SLC24A2: variants seen among roughly 807,000 people sequenced by gnomAD.
SLC24A2 encodes solute carrier family 24 member 2, also known as sodium/potassium/calcium exchanger 2.
SLC24A2 carries 36 observed loss-of-function variants against 62.0 expected under a neutral mutation model. The ratio of observed to expected loss-of-function variants is 0.58; its 90% CI spans 0.44 to 0.77. The LOEUF is 0.77. SLC24A2 is among the 30% of genes least tolerant of loss of function. The pLI, the probability that SLC24A2 is intolerant of heterozygous loss-of-function variation, is 0.00. For synonymous variants in SLC24A2, 358 were observed against 294.0 expected (o/e 1.22, Z -2.23); for missense variants, 846 against 817.9 (o/e 1.03, Z -0.42).
intron 2 of SLC24A2, among the ~76,000 whole-genome samples, chr9:19,658,281 G>GA (rs397728113): frequency 0.023 from 1 of 44 alleles, no homozygotes; most frequent in African/African-American, 0.12. Flanking sequence ...AGGTTGATAA[G>GA]TGGTGGTGGG....
chr9:19,896,582 T>C, the SLC24A2 span, among the ~76,000 whole-genome samples: 2 of 152,218 alleles, frequency 1.3e-5, no homozygotes, highest in African/African-American at 4.8e-5. Context: ...ATCATCACCA[T>C]CTAACAGATA....
At chr9:20,060,884 T>C in the SLC24A2 span, among the ~76,000 whole-genome samples, 1 of 152,154 alleles carries the variant, frequency 6.6e-6, no homozygotes, top group Admixed American at 6.5e-5. Flanking sequence ...TGTATTTCTA[T>C]AAACTTATAG....
the SLC24A2 span, among the ~76,000 whole-genome samples, chr9:19,888,982 G>C: frequency 6.6e-6 from 1 of 152,166 alleles, no homozygotes; most frequent in Non-Finnish European, 1.5e-5. Context: ...GAATCTGGTG[G>C]AGCCACACAC....
At chr9:19,668,034 T>C (rs1819307110) in intron 2 of SLC24A2, among the ~76,000 whole-genome samples, 1 of 152,126 alleles carries the variant, frequency 6.6e-6, no homozygotes, top group Non-Finnish European at 1.5e-5. Flanking sequence ...CCCACATCTA[T>C]CTCCTTGGCC....
the SLC24A2 span, among the ~76,000 whole-genome samples, chr9:20,011,089 T>TTTAA: frequency 6.6e-6 from 1 of 152,182 alleles, no homozygotes; most frequent in Admixed American, 6.5e-5. Context: ...TGTGTCTTTA[T>TTTAA]AGCAGCATGA....
chr9:20,000,638 T>C, the SLC24A2 span, among the ~76,000 whole-genome samples: 1 of 152,186 alleles, frequency 6.6e-6, no homozygotes, highest in Non-Finnish European at 1.5e-5. Flanking sequence ...TCTCCCGCAG[T>C]CTCCATATCT....
chr9:20,280,013 T>C, the SLC24A2 span, among the ~76,000 whole-genome samples: 1 of 152,176 alleles, frequency 6.6e-6, no homozygotes, highest in Non-Finnish European at 1.5e-5. Context: ...GCCAAACAAA[T>C]GAAGGATTCT....
At chr9:19,781,828 A>G (rs1443079053) in intron 2 of SLC24A2, among the ~76,000 whole-genome samples, 1 of 152,234 alleles carries the variant, frequency 6.6e-6, no homozygotes, top group African/African-American at 2.4e-5. Context: ...TGTCTTAAGC[A>G]AAGTTGAGGC....
chr9:20,077,421 A>G, the SLC24A2 span, among the ~76,000 whole-genome samples: 120 of 152,278 alleles, frequency 7.9e-4, no homozygotes, highest in African/African-American at 2.7e-3. Flanking sequence ...ACATAATACA[A>G]TTTATTTCTT....
At chr9:19,974,209 A>G in the SLC24A2 span, among the ~76,000 whole-genome samples, 1 of 152,182 alleles carries the variant, frequency 6.6e-6, no homozygotes, top group Non-Finnish European at 1.5e-5. Flanking sequence ...AATTACTACT[A>G]TTGTAGATTC....
intron 2 of SLC24A2, among the ~76,000 whole-genome samples, chr9:19,762,983 T>C (rs1479309199): frequency 6.6e-6 from 1 of 152,278 alleles, no homozygotes; most frequent in Non-Finnish European, 1.5e-5. Flanking sequence ...GTTTGAGTCC[T>C]CTCTTATTTC....
the SLC24A2 span, among the ~76,000 whole-genome samples, chr9:20,212,013 A>G: frequency 6.6e-6 from 1 of 151,924 alleles, no homozygotes; most frequent in Non-Finnish European, 1.5e-5. Context: ...AAAGAAAATA[A>G]TTAATATATC....
At chr9:19,598,405 T>C (rs1223723026) in intron 4 of SLC24A2, among the ~76,000 whole-genome samples, 2 of 152,184 alleles carry the variant, frequency 1.3e-5, no homozygotes, top group Non-Finnish European at 2.9e-5. Flanking sequence ...ATAATAAATA[T>C]TCGTGTATTT....
the SLC24A2 span, among the ~76,000 whole-genome samples, chr9:20,081,191 C>A: frequency 6.6e-6 from 1 of 151,974 alleles, no homozygotes; most frequent in South Asian, 2.1e-4. Context: ...ATGTTTATTG[C>A]GGCACTATTC....
At chr9:20,199,414 G>A in the SLC24A2 span, among the ~76,000 whole-genome samples, 4,133 of 152,210 alleles carry the variant, frequency 0.027, 70 homozygotes, top group Middle Eastern at 0.065. Context: ...AGCAGAGAGC[G>A]GCTTAATAAT....
chr9:19,981,570 T>G, the SLC24A2 span, among the ~76,000 whole-genome samples: 1 of 152,314 alleles, frequency 6.6e-6, no homozygotes, highest in African/African-American at 2.4e-5. Flanking sequence ...CAGTGAACTA[T>G]TTATACAATA....
chr9:20,114,312 T>C, the SLC24A2 span, among the ~76,000 whole-genome samples: 60 of 152,082 alleles, frequency 3.9e-4, no homozygotes, highest in Admixed American at 6.6e-5. Context: ...CCCTCTACCA[T>C]GTGGAAAAAC....
At chr9:19,629,438 A>G (rs948803923) in intron 2 of SLC24A2, among the ~76,000 whole-genome samples, 3 of 152,240 alleles carry the variant, frequency 2.0e-5, no homozygotes, top group Admixed American at 2.0e-4. Context: ...AAAAGCTAGT[A>G]TCTGGGAGTA....
intron 4 of SLC24A2, among the ~76,000 whole-genome samples, chr9:19,616,818 C>T (rs1312904679): frequency 6.6e-6 from 1 of 151,992 alleles, no homozygotes; most frequent in Non-Finnish European, 1.5e-5. Flanking sequence ...GGATTGGGAA[C>T]CCTGATTTAT....
Sources: allele counts gnomAD v4.1 joint callset (sites outside exome capture counted in the v4.1 genomes callset), GRCh38; gene constraint gnomAD v4.1.1; transcripts MANE v1.5; gene names NCBI Gene and HGNC (gene_info 2026-07-23, HGNC 2026-07-21).